CYP2A13: variants seen among roughly 807,000 people sequenced by gnomAD.
The protein encoded by CYP2A13 is cytochrome P450 2A13.
A neutral mutation model predicts 39.4 loss-of-function variants in CYP2A13; 30 were observed. That is an observed-to-expected ratio of 0.76 (90% CI 0.57 to 1.03). The LOEUF is 1.03. Among genes scored for constraint, CYP2A13 ranks in the 50% least tolerant of loss-of-function variants. CYP2A13 has a pLI of 0.00. For synonymous variants in CYP2A13, 269 were observed against 254.7 expected (o/e 1.06, Z -0.54); for missense variants, 731 against 648.4 (o/e 1.13, Z -1.38).
At chr19:41,094,899 T>C (rs2031268279) in intron 7 of CYP2A13, 60 bp from the exon 8 acceptor site, 2 of 1,598,652 alleles carry the variant, frequency 1.3e-6, no homozygotes, top group East Asian at 4.5e-5. Context: ...GCAGCCCCTG[T>C]GTACTTTCAC....
rs1422010386 is a variant in CYP2A13, at chr19:41,089,806, C to G, written c.344-241C>G. ...GATTCTCTTATTCTTTCTACCCGGTCTCTCTCTCTCTCTCTCTCTCTCTCT... is the reference window on the plus strand; with the variant it reads ...GATTCTCTTATTCTTTCTACCCGGTGTCTCTCTCTCTCTCTCTCTCTCTCT... On this transcript the variant is annotated intron_variant, in intron 2 of 8. Transcript: ENST00000330436. 6.3e-3 allele frequency among the ~76,000 whole-genome samples: 6 copies of G among 954 alleles called. No individual in the cohort carries two copies. The East Asian group carries it at 0.086, about 14-fold the overall frequency. The allele number at this position is 954 out of a possible 152,430, so 0.6% of individuals were successfully genotyped here.
At chr19:41,091,200 C>G (rs1042997787) in intron 4 of CYP2A13, among the ~76,000 whole-genome samples, 15 of 152,226 alleles carry the variant, frequency 9.9e-5, no homozygotes, top group Non-Finnish European at 1.6e-4. Flanking sequence ...CCAGTGCATC[C>G]CACTTGGATA....
Position 41,090,033 on chromosome 19 carries a change from G to C in CYP2A13, c.344-14G>C, listed in dbSNP as rs774588226. Reference sequence around the variant, plus strand: ...CCCCCTGACCTCTCTCCACCCCCGCGTTCACCTCCCCAGGCGTGGCGTTCA... The same window carrying C: ...CCCCCTGACCTCTCTCCACCCCCGCCTTCACCTCCCCAGGCGTGGCGTTCA... On this transcript the variant is annotated splice_polypyrimidine_tract_variant and intron_variant, in intron 2 of 8. Transcript: ENST00000330436. 1.9e-6 allele frequency: 3 copies of C among 1,610,042 alleles called. No individual in the cohort carries two copies. Among genetic ancestry groups the C allele is most frequent in the East Asian group, 2.2e-5 (1 of 44,650 alleles).
chr19:41,088,807 G>T, intron 1 of CYP2A13, 122 bp from the exon 2 acceptor site: 3 of 1,543,970 alleles, frequency 1.9e-6, no homozygotes, highest in African/African-American at 2.7e-5. Context: ...AGGATCTTGG[G>T]ATGTCCAGCT....
chr19:41,093,579 G>T (rs1184984076), intron 5 of CYP2A13, 51 bp from the exon 6 acceptor site: 3 of 1,610,816 alleles, frequency 1.9e-6, no homozygotes, highest in East Asian at 2.2e-5. Context: ...CCCTAGAAGG[G>T]CCCCAAGAGC....
In CYP2A13 at chr19:41,090,064, G is replaced by A. The variant is rs141733817; in HGVS notation, c.361G>A (p.Gly121Arg). ...FKGYGVAFSN[G>R]ERAKQLRRFS... Reference sequence around the variant, plus strand: ...CTCCCCAGGCGTGGCGTTCAGCAACGGGGAGCGCGCCAAGCAGCTCCGGCG... The same window carrying A: ...CTCCCCAGGCGTGGCGTTCAGCAACAGGGAGCGCGCCAAGCAGCTCCGGCG... Residue 121 changes from glycine to arginine, a missense_variant, in exon 3 of 9, where the codon GGG becomes AGG. Coordinates refer to ENST00000330436, the MANE Select transcript of CYP2A13 (RefSeq NM_000766.5). 3.1e-6 allele frequency: 5 copies of A among 1,612,460 alleles called. No homozygotes were observed. Among genetic ancestry groups the A allele is most frequent in the Non-Finnish European group, 4.2e-6 (5 of 1,179,584 alleles).
chr19:41,091,694 G>A, intron 4 of CYP2A13, 38 bp from the exon 5 acceptor site: 2 of 1,608,814 alleles, frequency 1.2e-6, no homozygotes, highest in Non-Finnish European at 8.5e-7. Flanking sequence ...CCCCGTGACA[G>A]CTGTCCTTCC....
rs1276628095 is a variant in CYP2A13, at chr19:41,091,906, G to T, written c.829G>T (p.Glu277Ter). The change falls in exon 5 of 9, where the codon GAG (glutamate) becomes TAG (stop). Residue 277 changes from glutamate to a stop codon, truncating the protein, a stop_gained and splice_region_variant. Coordinates refer to ENST00000330436, the MANE Select transcript of CYP2A13 (RefSeq NM_000766.5). LOFTEE classifies it high-confidence loss of function. ...CGACTCCTTTCTCATCCGCATGCAG[G>T]AGGTACATCCCAGCAGCCAGTGCAG... ...FIDSFLIRMQ[E>*]EEKNPNTEFY... 14 of 1,613,990 alleles carry T rather than the reference G, an allele frequency of 8.7e-6. No homozygotes were observed. Among genetic ancestry groups the T allele is most frequent in the Non-Finnish European group, 1.1e-5 (13 of 1,179,960 alleles).
In CYP2A13 at chr19:41,090,000, T is replaced by C. The variant is rs113406157; in HGVS notation, c.344-47T>C. 6,517 of 1,121,948 alleles carry C rather than the reference T, an allele frequency of 5.8e-3. 61 individuals carry two copies. Among genetic ancestry groups the C allele is most frequent in the African/African-American group, 0.035 (2,333 of 65,944 alleles). The allele number at this position is 1,121,948 out of a possible 1,614,324, so 69.5% of individuals were successfully genotyped here. A position where few individuals can be genotyped will look rare whatever the true frequency, so the allele number is the denominator to read the frequency against. On this transcript the variant is annotated intron_variant, in intron 2 of 8. Coordinates refer to ENST00000330436, the MANE Select transcript of CYP2A13 (RefSeq NM_000766.5). ...CCCCTTGGAGCTGGTCCGCTCCTGCTCCCGCCGCCCCCTGACCTCTCTCCA... is the reference window on the plus strand; with the variant it reads ...CCCCTTGGAGCTGGTCCGCTCCTGCCCCCGCCGCCCCCTGACCTCTCTCCA...
chr19:41,089,149 C>G lies in CYP2A13; in HGVS notation c.343+58C>G, dbSNP rs1348827097. On this transcript the variant is annotated intron_variant, in intron 2 of 8. Coordinates refer to ENST00000330436, the MANE Select transcript of CYP2A13 (RefSeq NM_000766.5). The stretch of plus-strand genomic sequence containing the variant: ...AGGTGGATGCAATGGTCTCCGTGTC[C>G]CCAGCCTTCTCCCTGACTCTCCTGC... 8.1e-6 allele frequency: 13 copies of G among 1,604,800 alleles called. No individual in the cohort carries two copies. The Admixed American group carries it at 1.2e-4, about 14-fold the overall frequency.
Position 41,090,085 on chromosome 19 carries a change from C to G in CYP2A13, c.382C>G (p.Arg128Gly). ...FSNGERAKQLRRFSIATLRGF... is the reference protein window; with the variant it reads ...FSNGERAKQLGRFSIATLRGF... ...CAACGGGGAGCGCGCCAAGCAGCTC[C>G]GGCGCTTCTCCATCGCCACCCTAAG... Residue 128 changes from arginine (R) to glycine (G), a missense_variant, in exon 3 of 9, where the codon CGG becomes GGG. Transcript: ENST00000330436. The G allele has an allele frequency of 6.2e-7, 1 of 1,613,084 alleles. No individual in the cohort carries two copies.
In CYP2A13 at chr19:41,088,511, T is replaced by A; in HGVS notation, c.40T>A (p.Cys14Ser). ...SGLLLVTLLA[C>S]LTVMVLMSVW... ...GCTGCTTCTGGTGACCTTGCTGGCC[T>A]GCCTGACTGTGATGGTCTTGATGTC... is the stretch of plus-strand genomic sequence containing the variant. Residue 14 changes from cysteine to serine, a missense_variant, in exon 1 of 9, where the codon TGC (cysteine) becomes AGC (serine). By Grantham distance (112) the Cys-to-Ser change is moderately radical (BLOSUM62 -1). Transcript: ENST00000330436. 3 of 1,614,006 alleles carry A rather than the reference T, an allele frequency of 1.9e-6. No homozygotes were observed. Among genetic ancestry groups the A allele is most frequent in the Admixed American group, 1.7e-5 (1 of 60,008 alleles).
chr19:41,090,093 C>T lies in CYP2A13; in HGVS notation c.390C>T (p.Phe130=), dbSNP rs2031149979. The T allele has an allele frequency of 4.3e-6, 7 of 1,613,028 alleles. No individual in the cohort carries two copies. In the East Asian group the frequency reaches 1.3e-4, roughly 31 times the overall value. ...AGCGCGCCAAGCAGCTCCGGCGCTT[C>T]TCCATCGCCACCCTAAGGGGTTTTG... The part of the protein sequence containing the change: ...NGERAKQLRR[F]SIATLRGFGV... The change falls in exon 3 of 9, where the codon TTC becomes TTT. Residue 130 remains phenylalanine, a synonymous_variant. Transcript: ENST00000330436.
chr19:41,092,854 A>G lies in CYP2A13; in HGVS notation c.832-776A>G, dbSNP rs1262437612. Among the ~76,000 whole-genome samples the G allele has an allele frequency of 2.6e-5, 4 of 152,320 alleles. No homozygotes were observed. In the East Asian group the frequency reaches 7.7e-4, roughly 29 times the overall value. On this transcript the variant is annotated intron_variant, in intron 5 of 8. Coordinates refer to ENST00000330436, the MANE Select transcript of CYP2A13 (RefSeq NM_000766.5). ...AGGGATTCCTCCACAGTAAGTTTCA[A>G]GATTTTTAGGGAAGAAATAGGATGC...
In CYP2A13 at chr19:41,095,754, C is replaced by G. The variant is rs777809666; in HGVS notation, c.1304-6C>G. 6.2e-7 allele frequency: 1 copy of G among 1,613,982 alleles called. No individual in the cohort carries two copies. Among genetic ancestry groups the G allele is most frequent in the Admixed American group, 1.7e-5 (1 of 60,014 alleles). ...CACCTTCACCCCTCCTGCCTCTCCT[C>G]CTCAGGAAAGCGGTACTGTTTTGGA... On this transcript the variant is annotated splice_region_variant and splice_polypyrimidine_tract_variant and intron_variant, in intron 8 of 8. Coordinates refer to ENST00000330436, the MANE Select transcript of CYP2A13 (RefSeq NM_000766.5).
rs72552266 is a variant in CYP2A13, at chr19:41,089,049, C to G, written c.301C>G (p.Arg101Gly). ...GGACCAGGCTGAGGAGTTCAGCGGG[C>G]GAGGCGAGCAGGCCACCTTCGACTG... Reference protein sequence around the residue: ...LVDQAEEFSGRGEQATFDWLF... With the variant: ...LVDQAEEFSGGGEQATFDWLF... Residue 101 changes from arginine to glycine, a missense_variant, in exon 2 of 9, where the codon CGA becomes GGA. Arg to Gly is a moderately radical substitution (Grantham distance 125, BLOSUM62 -2). Coordinates refer to ENST00000330436, the MANE Select transcript of CYP2A13 (RefSeq NM_000766.5). The G allele has an allele frequency of 1.9e-6, 3 of 1,612,100 alleles. No individual in the cohort carries two copies. The highest frequency in any genetic ancestry group is 2.5e-6 in the Non-Finnish European group (3 of 1,179,384).
chr19:41,089,361 G>A (rs2031116991), intron 2 of CYP2A13, among the ~76,000 whole-genome samples: 1 of 151,516 alleles, frequency 6.6e-6, no homozygotes, highest in Admixed American at 6.6e-5. Flanking sequence ...CTCCATCTCT[G>A]AGGACATCCT....
chr19:41,095,907 C>G lies in CYP2A13; in HGVS notation c.1451C>G (p.Pro484Arg), dbSNP rs1407668557. 5.0e-6 allele frequency: 8 copies of G among 1,613,766 alleles called. No individual in the cohort carries two copies. Among genetic ancestry groups the G allele is most frequent in the Non-Finnish European group, 6.8e-6 (8 of 1,179,892 alleles). ...SPKHVGFATI[P>R]RNYTMSFLPR ...AAACACGTGGGCTTTGCCACGATCC[C>G]ACGAAACTACACCATGAGCTTCCTG... The change falls in exon 9 of 9, where the codon CCA becomes CGA. Residue 484 changes from proline (P) to arginine (R), a missense_variant. Coordinates refer to ENST00000330436, the MANE Select transcript of CYP2A13 (RefSeq NM_000766.5).
chr19:41,091,016 G>T (rs1423374646), intron 4 of CYP2A13, among the ~76,000 whole-genome samples: 1 of 152,146 alleles, frequency 6.6e-6, no homozygotes, highest in African/African-American at 2.4e-5. Flanking sequence ...TCACAGATTA[G>T]CCCACTGGAA....
Sources: allele counts gnomAD v4.1 joint callset (sites outside exome capture counted in the v4.1 genomes callset), GRCh38; gene constraint gnomAD v4.1.1; transcripts MANE v1.5; gene names NCBI Gene and HGNC (gene_info 2026-07-23, HGNC 2026-07-21).